Variants in SORCS1 observed in about 807,000 individuals in gnomAD.
SORCS1 encodes the protein sortilin related VPS10 domain containing receptor 1.
SORCS1 carries 60 observed loss-of-function variants against 146.1 expected under a neutral mutation model. The observed-to-expected ratio is 0.41, with a 90% CI of 0.33 to 0.51. SORCS1 has a LOEUF of 0.51. Ranked by LOEUF, SORCS1 falls within the 20% of genes least tolerant of loss-of-function variation. SORCS1 has a pLI of 0.21. For missense variants in SORCS1, 1,352 were observed against 1,487.6 expected (o/e 0.91, Z 1.50); for synonymous variants, 637 against 584.0 (o/e 1.09, Z -1.31).
chr10:106,652,759 T>C (rs1849971134), intron 17 of SORCS1, among the ~76,000 whole-genome samples: 1 of 152,192 alleles, frequency 6.6e-6, no homozygotes. Flanking sequence ...ATTACTAGCA[T>C]TGTAACTGAG....
At chr10:107,039,125 C>T (rs940857086) in intron 1 of SORCS1, among the ~76,000 whole-genome samples, 4 of 151,682 alleles carry the variant, frequency 2.6e-5, no homozygotes, top group African/African-American at 9.7e-5. Flanking sequence ...GTCAGGAGAT[C>T]GAGACCATCC....
chr10:106,738,829 T>A (rs1383426254), intron 5 of SORCS1, among the ~76,000 whole-genome samples: 2 of 151,588 alleles, frequency 1.3e-5, no homozygotes, highest in Non-Finnish European at 1.5e-5. Context: ...CCATCTCTAT[T>A]AAAAATTTTT....
Position 106,783,837 on chromosome 10 carries a change from T to A in SORCS1, c.727-7145A>T, listed in dbSNP as rs1277763806. ...ATGGATGGGAAAAGGATAATAGGAA[T>A]GGGCAAAAATCTCTGATGTAATGTT... On this transcript the variant is annotated intron_variant, in intron 3 of 25. Transcript: ENST00000263054. Among the ~76,000 whole-genome samples, 4 of 152,300 alleles carry A rather than the reference T, an allele frequency of 2.6e-5. No homozygotes were observed. The East Asian group carries it at 5.8e-4, about 22-fold the overall frequency.
chr10:106,588,656 T>G (rs910372812), intron 24 of SORCS1, among the ~76,000 whole-genome samples: 2 of 151,532 alleles, frequency 1.3e-5, no homozygotes, highest in Non-Finnish European at 2.9e-5. Context: ...GGTCAGGAGA[T>G]CGAGACCATC....
intron 2 of SORCS1, among the ~76,000 whole-genome samples, chr10:106,855,112 C>T (rs187534050): frequency 6.7e-4 from 102 of 152,256 alleles, no homozygotes; most frequent in East Asian, 5.8e-4. Context: ...ATCTCTCCTT[C>T]ACTTTTGAAA....
At chr10:106,776,037 G>A (rs941657995) in intron 4 of SORCS1, among the ~76,000 whole-genome samples, 1 of 152,190 alleles carries the variant, frequency 6.6e-6, no homozygotes, top group African/African-American at 2.4e-5. Context: ...GAAAAGTTCT[G>A]AGATGACTAG....
intron 1 of SORCS1, among the ~76,000 whole-genome samples, chr10:107,047,686 C>T (rs1257484113): frequency 6.6e-6 from 1 of 152,156 alleles, no homozygotes; most frequent in African/African-American, 2.4e-5. Flanking sequence ...CCATTTGTCA[C>T]CGCAGTGCGT....
intron 1 of SORCS1, among the ~76,000 whole-genome samples, chr10:106,972,823 C>T (rs73376419): frequency 0.026 from 3,962 of 152,310 alleles, 181 homozygotes; most frequent in African/African-American, 0.09. Flanking sequence ...GTGCTTCACA[C>T]ACAGTATGTC....
At position 106,621,650 on chromosome 10, in the gene SORCS1, C is replaced by G. The variant is rs7914387; in HGVS notation, c.2663-1089G>C. Among the ~76,000 whole-genome samples the G allele has an allele frequency of 4.6e-5, 7 of 151,780 alleles. No homozygotes were observed. In the South Asian group the frequency reaches 8.3e-4, roughly 18 times the overall value. On this transcript the variant is annotated intron_variant, in intron 19 of 25. Coordinates refer to ENST00000263054, the MANE Select transcript of SORCS1 (RefSeq NM_052918.5). ...CCAGCAATCAAATGTTCTCAAGGAC[C>G]CTGTTATTTCCCTCTCCTGTATTCT... is the stretch of plus-strand genomic sequence containing the variant.
At chr10:106,641,079 T>C (rs1297670081) in intron 18 of SORCS1, among the ~76,000 whole-genome samples, 1 of 152,236 alleles carries the variant, frequency 6.6e-6, no homozygotes, top group East Asian at 1.9e-4. Context: ...ATGAAGGTTC[T>C]GTCATGAGAG....
At chr10:107,103,835 C>T (rs1965117626) in intron 1 of SORCS1, among the ~76,000 whole-genome samples, 1 of 152,144 alleles carries the variant, frequency 6.6e-6, no homozygotes, top group African/African-American at 2.4e-5. Context: ...ACTCAAAGAC[C>T]AAATCCTCCT....
At chr10:106,968,154 G>T (rs4592366) in intron 1 of SORCS1, among the ~76,000 whole-genome samples, 42,417 of 151,840 alleles carry the variant, frequency 0.28, 6,165 homozygotes, top group Non-Finnish European at 0.32. Context: ...AGCTTGCAGT[G>T]AGCCGAGATC....
chr10:107,011,249 T>C (rs545874266), intron 1 of SORCS1, among the ~76,000 whole-genome samples: 2 of 152,320 alleles, frequency 1.3e-5, no homozygotes, highest in African/African-American at 2.4e-5. Context: ...ATCCACAGCA[T>C]TGAAAACTTG....
At chr10:106,859,119 T>C (rs1279485370) in intron 2 of SORCS1, among the ~76,000 whole-genome samples, 2 of 152,234 alleles carry the variant, frequency 1.3e-5, no homozygotes, top group Admixed American at 6.5e-5. Context: ...GAGGAGGGCA[T>C]AGGGCACGTA....
intron 2 of SORCS1, among the ~76,000 whole-genome samples, chr10:106,888,047 C>T (rs192345928): frequency 1.2e-4 from 19 of 152,184 alleles, no homozygotes; most frequent in South Asian, 2.1e-4. Flanking sequence ...CTATAAATGG[C>T]GACAGTACTG....
intron 20 of SORCS1, among the ~76,000 whole-genome samples, chr10:106,619,220 T>A (rs139095503): frequency 1.3e-5 from 2 of 152,296 alleles, no homozygotes; most frequent in East Asian, 3.9e-4. Context: ...TTCAGGGAAA[T>A]GACATAGATT....
At chr10:106,884,485 T>C (rs555336675) in intron 2 of SORCS1, among the ~76,000 whole-genome samples, 1 of 152,170 alleles carries the variant, frequency 6.6e-6, no homozygotes, top group Non-Finnish European at 1.5e-5. Flanking sequence ...TCAATTCCCA[T>C]TAATAATATG....
chr10:107,046,345 T>A (rs971136667), intron 1 of SORCS1, among the ~76,000 whole-genome samples: 1 of 152,152 alleles, frequency 6.6e-6, no homozygotes, highest in Non-Finnish European at 1.5e-5. Flanking sequence ...GTACTGAGAT[T>A]ACAGGCATGA....
intron 2 of SORCS1, among the ~76,000 whole-genome samples, chr10:106,865,995 T>C (rs1439627725): frequency 2.7e-5 from 4 of 149,526 alleles, no homozygotes; most frequent in Non-Finnish European, 5.9e-5. Context: ...ATCACGCCAC[T>C]GCACTCCAAC....
Sources: allele counts gnomAD v4.1 joint callset (sites outside exome capture counted in the v4.1 genomes callset), GRCh38; gene constraint gnomAD v4.1.1; transcripts MANE v1.5; gene names NCBI Gene and HGNC (gene_info 2026-07-23, HGNC 2026-07-21).